NFKB1: variants seen among roughly 807,000 people sequenced by gnomAD.
NFKB1 encodes nuclear factor NF-kappa-B p105 subunit.
Under a neutral mutation model 105.1 loss-of-function variants are expected in NFKB1, and 9 were observed. The ratio of observed to expected loss-of-function variants is 0.09; its 90% CI spans 0.05 to 0.15. The LOEUF (loss-of-function observed/expected upper bound fraction) is 0.15. NFKB1 is among the 10% of genes least tolerant of loss of function. The pLI, the probability that NFKB1 is intolerant of heterozygous loss-of-function variation, is 1.00. For synonymous variants in NFKB1, 440 were observed against 442.2 expected, an observed-to-expected ratio of 1.00 and a Z score of 0.06; for missense variants, 830 against 1,203.7, an observed-to-expected ratio of 0.69 and a Z score of 4.59.
intron 11 of NFKB1, among the ~76,000 whole-genome samples, chr4:102,588,887 T>A (rs1725942765): frequency 6.6e-6 from 1 of 152,136 alleles, no homozygotes; most frequent in African/African-American, 2.4e-5. Flanking sequence ...AAGGAGAACT[T>A]GTAGTAAGTG....
At chr4:102,610,152 C>T (rs1441328916) in intron 19 of NFKB1, among the ~76,000 whole-genome samples, 2 of 152,110 alleles carry the variant, frequency 1.3e-5, no homozygotes, top group Non-Finnish European at 2.9e-5. Context: ...TTTGAGTGTC[C>T]AAGAAAAGGG....
intron 5 of NFKB1, among the ~76,000 whole-genome samples, chr4:102,566,373 A>G (rs1282401062): frequency 6.6e-6 from 1 of 152,230 alleles, no homozygotes; most frequent in Non-Finnish European, 1.5e-5. Flanking sequence ...ACCTGAGCAT[A>G]TGTAACTCAA....
At chr4:102,551,501 G>A (rs1377045674) in intron 5 of NFKB1, among the ~76,000 whole-genome samples, 3 of 152,134 alleles carry the variant, frequency 2.0e-5, no homozygotes, top group Non-Finnish European at 2.9e-5. Context: ...TTTGACAGGT[G>A]TACTTCTCAA....
At chr4:102,578,459 CTG>C (rs1341095072) in intron 7 of NFKB1, 1 of 190,876 alleles carries the variant, frequency 5.2e-6, no homozygotes, top group Non-Finnish European at 1.1e-5. Flanking sequence ...CTGCTTGGCA[CTG>C]TGGAATGAGC....
At chr4:102,611,880 A>G (rs1219373463) in intron 20 of NFKB1, among the ~76,000 whole-genome samples, 164 bp from the exon 21 acceptor site, 1 of 152,192 alleles carries the variant, frequency 6.6e-6, no homozygotes, top group Non-Finnish European at 1.5e-5. Context: ...CCCAAAGGGT[A>G]CCATATTCTT....
chr4:102,531,679 A>G (rs1352457016), intron 3 of NFKB1, among the ~76,000 whole-genome samples: 1 of 152,174 alleles, frequency 6.6e-6, no homozygotes, highest in East Asian at 1.9e-4. Flanking sequence ...CAACAAATAC[A>G]TGCATATCAA....
rs1420184632 is a variant in NFKB1 at position 102,533,572 on chromosome 4, C to T, written c.119-273C>T. Among the ~76,000 whole-genome samples the T allele has an allele frequency of 2.6e-5, 4 of 152,226 alleles. No homozygotes were observed. The East Asian group carries it at 7.7e-4, about 29-fold the overall frequency. On this transcript the variant is annotated intron_variant, in intron 3 of 23. Transcript: ENST00000226574. The stretch of plus-strand genomic sequence containing the variant: ...GACATCAATTCTTGCCGGCCATATG[C>T]CTTTTATTGGGTTAGGAAATGTGCC...
At chr4:102,562,107 A>G (rs953747742) in intron 5 of NFKB1, among the ~76,000 whole-genome samples, 2 of 152,234 alleles carry the variant, frequency 1.3e-5, no homozygotes, top group African/African-American at 4.8e-5. Context: ...GGGTAGGTCC[A>G]AGGAGGTCCT....
chr4:102,557,725 C>T (rs756941874), intron 5 of NFKB1, among the ~76,000 whole-genome samples: 2 of 152,100 alleles, frequency 1.3e-5, no homozygotes, highest in African/African-American at 4.8e-5. Flanking sequence ...GCCTAATGGG[C>T]AATAGCAGTT....
chr4:102,529,489 A>G (rs1236198932), intron 2 of NFKB1, among the ~76,000 whole-genome samples: 1 of 152,186 alleles, frequency 6.6e-6, no homozygotes, highest in Non-Finnish European at 1.5e-5. Context: ...CATTCATTCA[A>G]CAACTATTTA....
At position 102,610,621 on chromosome 4, in the gene NFKB1, T is replaced by C. The variant is rs571157558; in HGVS notation, c.2274T>C (p.Asp758=). 1.9e-6 allele frequency: 3 copies of C among 1,614,062 alleles called. No homozygotes were observed. Among genetic ancestry groups the C allele is most frequent in the African/African-American group, 2.7e-5 (2 of 75,026 alleles). The change falls in exon 20 of 24, where the codon GAT becomes GAC. Residue 758 remains aspartate, a synonymous_variant. Transcript: ENST00000226574. ...VENFEPLYDL[D]DSWENAGEDE... ...ACTTTGAGCCTCTCTATGACCTGGA[T>C]GACTCTTGGGAAAATGCAGGAGAGG...
chr4:102,509,684 G>T (rs1194033544), intron 1 of NFKB1, among the ~76,000 whole-genome samples: 1 of 152,110 alleles, frequency 6.6e-6, no homozygotes, highest in East Asian at 1.9e-4. Flanking sequence ...GCCTGTTAGG[G>T]TCCATTCAGT....
intron 5 of NFKB1, among the ~76,000 whole-genome samples, chr4:102,551,367 T>TGC (rs10585671): frequency 1.4e-4 from 21 of 150,204 alleles, no homozygotes; most frequent in Admixed American, 4.0e-4. Context: ...TGTGTGTGTG[T>TGC]GCGCGCGCGC....
At chr4:102,511,080 A>AT (rs1739749478) in intron 1 of NFKB1, 1 of 505,162 alleles carries the variant, frequency 2.0e-6, no homozygotes, top group Non-Finnish European at 2.9e-6. Context: ...TGTGATTTTT[A>AT]TTTTTTTATT....
intron 5 of NFKB1, among the ~76,000 whole-genome samples, chr4:102,542,473 A>C (rs1742064582): frequency 6.6e-6 from 1 of 151,790 alleles, no homozygotes; most frequent in Non-Finnish European, 1.5e-5. Context: ...AGGTATTAGC[A>C]TCTTACCTTA....
intron 23 of NFKB1, among the ~76,000 whole-genome samples, chr4:102,614,293 C>T (rs1230783798): frequency 1.3e-5 from 2 of 152,140 alleles, no homozygotes; most frequent in Non-Finnish European, 2.9e-5. Context: ...CCACCTCTCC[C>T]CTGAGTCTAA....
chr4:102,573,920 C>T (rs1724594524), intron 6 of NFKB1, among the ~76,000 whole-genome samples: 1 of 151,744 alleles, frequency 6.6e-6, no homozygotes, highest in Non-Finnish European at 1.5e-5. Flanking sequence ...TACTCCTTAA[C>T]ATACCAATGC....
At chr4:102,567,523 G>C (rs1723979070) in intron 6 of NFKB1, among the ~76,000 whole-genome samples, 1 of 152,116 alleles carries the variant, frequency 6.6e-6, no homozygotes, top group Non-Finnish European at 1.5e-5. Context: ...ATCACTTTAT[G>C]TATATTTTTA....
intron 13 of NFKB1, among the ~76,000 whole-genome samples, chr4:102,595,483 T>C (rs1726534042): frequency 6.6e-6 from 1 of 152,216 alleles, no homozygotes; most frequent in South Asian, 2.1e-4. Flanking sequence ...ATTGAATACC[T>C]ATTTTTGTGC....
Sources: allele counts gnomAD v4.1 joint callset (sites outside exome capture counted in the v4.1 genomes callset), GRCh38; gene constraint gnomAD v4.1.1; transcripts MANE v1.5; gene names NCBI Gene and HGNC (gene_info 2026-07-23, HGNC 2026-07-21).